ALG9: variants seen among roughly 807,000 people sequenced by gnomAD.
The protein encoded by ALG9 is ALG9 alpha-1,2-mannosyltransferase, also known as alpha-1,2-mannosyltransferase ALG9.
In ALG9, 55 loss-of-function variants were observed where a neutral mutation model predicts 81.8. The observed-to-expected ratio is 0.67, with a 90% CI of 0.54 to 0.84. The LOEUF (loss-of-function observed/expected upper bound fraction) is 0.84, where lower values mean the gene tolerates loss of function less well. Among genes scored for constraint, ALG9 ranks in the 40% least tolerant of loss-of-function variants. The pLI is 0.00. For synonymous variants in ALG9, 278 were observed against 274.3 expected, an observed-to-expected ratio of 1.01 and a Z score of -0.13; for missense variants, 629 against 745.0, an observed-to-expected ratio of 0.84 and a Z score of 1.81.
At chr11:111,781,412 T>C (rs1555056886), downstream of ALG9, among the ~76,000 whole-genome samples, 1 of 152,180 alleles carries the variant, frequency 6.6e-6, no homozygotes, top group Non-Finnish European at 1.5e-5. Flanking sequence ...GCCTGAACAA[T>C]GTAACACATG....
chr11:111,773,192 A>G, the ALG9 span, among the ~76,000 whole-genome samples: 1 of 152,162 alleles, frequency 6.6e-6, no homozygotes, highest in Middle Eastern at 3.2e-3. Context: ...TACAGGCCCC[A>G]GTTCTCTAAG....
intron 11 of ALG9, 89 bp from the exon 12 acceptor site, chr11:111,837,704 G>A: frequency 6.9e-7 from 1 of 1,452,788 alleles, no homozygotes; most frequent in South Asian, 1.2e-5. Flanking sequence ...CGCACTGTAA[G>A]CCACAGGAAA....
chr11:111,869,578 G>A (rs991114378), intron 2 of ALG9, among the ~76,000 whole-genome samples: 1 of 151,614 alleles, frequency 6.6e-6, no homozygotes, highest in Non-Finnish European at 1.5e-5. Flanking sequence ...CTATCTCCAG[G>A]TATTATTTTC....
At chr11:111,869,254 G>T (rs1963494903) in intron 2 of ALG9, among the ~76,000 whole-genome samples, 2 of 152,126 alleles carry the variant, frequency 1.3e-5, no homozygotes, top group Admixed American at 6.5e-5. Flanking sequence ...AGCCAAAACA[G>T]AAAACCTCTA....
chr11:111,779,315 C>G (rs117698580), downstream of ALG9, among the ~76,000 whole-genome samples: 997 of 152,108 alleles, frequency 6.6e-3, 7 homozygotes, highest in Middle Eastern at 0.054. Flanking sequence ...GCCAAGGGCA[C>G]CACTTGTCAA....
intron 14 of ALG9, among the ~76,000 whole-genome samples, chr11:111,789,188 G>A (rs187256277): frequency 6.6e-6 from 1 of 152,026 alleles, no homozygotes; most frequent in African/African-American, 2.4e-5. Flanking sequence ...TATTTGGGAG[G>A]ATTGGTAGTT....
rs1415125206 is a variant in ALG9 at position 111,782,727 on chromosome 11, T to C, written c.*3670A>G. 1.5e-4 allele frequency: 23 copies of C among 152,198 alleles called. No individual in the cohort carries two copies. Among genetic ancestry groups the C allele is most frequent in the African/African-American group, 5.6e-4 (23 of 41,434 alleles). 9.4% of individuals were successfully genotyped at this position (152,198 alleles called of 1,614,324 possible). ...AGGAAATGCAAAACACAATAAATGATTGCCACTGGAGCTTTGCCCAAATGG... is the reference window on the plus strand; with the variant it reads ...AGGAAATGCAAAACACAATAAATGACTGCCACTGGAGCTTTGCCCAAATGG... On this transcript the variant is annotated 3_prime_UTR_variant, in exon 15 of 15. Coordinates refer to ENST00000616540, the MANE Select transcript of ALG9 (RefSeq NM_024740.2).
intron 9 of ALG9, 35 bp downstream of exon 9, chr11:111,844,566 C>T: frequency 1.2e-6 from 2 of 1,613,422 alleles, no homozygotes; most frequent in Non-Finnish European, 1.7e-6. Context: ...TTGCTCTTTC[C>T]TCCCAAAACA....
chr11:111,778,710 C>A (rs1186563741), downstream of ALG9, among the ~76,000 whole-genome samples: 2 of 151,998 alleles, frequency 1.3e-5, no homozygotes, highest in Non-Finnish European at 2.9e-5. Context: ...AGCTAGATCA[C>A]CTGGAGAGTT....
intron 12 of ALG9, among the ~76,000 whole-genome samples, 182 bp from the exon 13 acceptor site, chr11:111,836,476 AAATTTATAATTAG>A (rs1555117786): frequency 1.3e-5 from 2 of 152,384 alleles, no homozygotes; most frequent in East Asian, 3.9e-4. Flanking sequence ...AATCATTGAG[AAATTTATAATTAG>A]ATGTCTCTTG....
intron 9 of ALG9, among the ~76,000 whole-genome samples, chr11:111,844,053 A>C (rs1566038398): frequency 6.6e-6 from 1 of 152,068 alleles, no homozygotes; most frequent in Admixed American, 6.5e-5. Flanking sequence ...GCTCAGCTGG[A>C]GTGCAGCGGC....
chr11:111,813,110 G>C (rs1950984249), intron 13 of ALG9, among the ~76,000 whole-genome samples: 1 of 151,848 alleles, frequency 6.6e-6, no homozygotes, highest in Admixed American at 6.6e-5. Flanking sequence ...AAATGAAATT[G>C]AACTTTAACC....
At chr11:111,858,663 A>T (rs1477230003) in intron 5 of ALG9, among the ~76,000 whole-genome samples, 1 of 152,216 alleles carries the variant, frequency 6.6e-6, no homozygotes, top group Non-Finnish European at 1.5e-5. Flanking sequence ...AATTGATTAA[A>T]GTGTTTCTAG....
intron 13 of ALG9, among the ~76,000 whole-genome samples, chr11:111,819,275 G>A (rs909889801): frequency 6.6e-6 from 1 of 152,258 alleles, no homozygotes; most frequent in Non-Finnish European, 1.5e-5. Context: ...CAGGAAGGAT[G>A]TGAAGTTGCA....
At position 111,871,443 on chromosome 11, in the gene ALG9, C is replaced by T; in HGVS notation, c.40G>A (p.Gly14Arg). The T allele has an allele frequency of 6.5e-7, 1 of 1,536,630 alleles. No individual in the cohort carries two copies. Among genetic ancestry groups the T allele is most frequent in the Admixed American group, 2.0e-5 (1 of 50,998 alleles). ...RGARQRLKGS[G>R]ASSGDTAPAA... is the part of the protein sequence containing the mutation. ...GGGGCCGTATCCCCACTGCTGGCCC[C>T]GCTGCCCTTCAGGCGCTGCCGAGCC... The change falls in exon 1 of 15, where the codon GGG (glycine) becomes AGG (arginine). Residue 14 changes from glycine (G) to arginine (R), a missense_variant. Transcript: ENST00000616540.
chr11:111,835,893 G>A (rs1462861338), intron 13 of ALG9, among the ~76,000 whole-genome samples: 1 of 152,112 alleles, frequency 6.6e-6, no homozygotes, highest in Non-Finnish European at 1.5e-5. Context: ...TGGGATTACA[G>A]GCATAAGCCA....
chr11:111,776,285 T>C, the ALG9 span, among the ~76,000 whole-genome samples: 1 of 151,974 alleles, frequency 6.6e-6, no homozygotes, highest in Non-Finnish European at 1.5e-5. Context: ...ATCTAGAGGG[T>C]GTATTAAAAA....
At chr11:111,797,286 G>T (rs1250823943) in intron 14 of ALG9, among the ~76,000 whole-genome samples, 1 of 152,196 alleles carries the variant, frequency 6.6e-6, no homozygotes, top group East Asian at 1.9e-4. Flanking sequence ...GTCTTGAGAT[G>T]CTTACTCTTG....
At chr11:111,857,919 TC>T in intron 5 of ALG9, 182 bp from the exon 6 acceptor site, 2 of 693,470 alleles carry the variant, frequency 2.9e-6, no homozygotes, top group Non-Finnish European at 4.7e-6. Flanking sequence ...AAAATGAAGT[TC>T]AATGACTCTT....
Sources: allele counts gnomAD v4.1 joint callset (sites outside exome capture counted in the v4.1 genomes callset), GRCh38; gene constraint gnomAD v4.1.1; transcripts MANE v1.5; gene names NCBI Gene and HGNC (gene_info 2026-07-23, HGNC 2026-07-21).